CDC42BPB: variants seen among roughly 807,000 people sequenced by gnomAD.
The protein encoded by CDC42BPB is CDC42 binding protein kinase beta.
In CDC42BPB, 37 loss-of-function variants were observed where a neutral mutation model predicts 214.9. The observed-to-expected ratio is 0.17, with a 90% CI of 0.13 to 0.23. CDC42BPB has a LOEUF of 0.23. Ranked by LOEUF, CDC42BPB falls within the 10% of genes least tolerant of loss-of-function variation. The probability of loss-of-function intolerance (pLI) is 1.00; values close to 1 mark genes in which losing one functional copy is unlikely to be tolerated. For missense variants in CDC42BPB, 1,694 were observed against 2,227.0 expected (o/e 0.76, Z 4.82); for synonymous variants, 931 against 884.0 (o/e 1.05, Z -0.94).
intron 5 of CDC42BPB, among the ~76,000 whole-genome samples, chr14:102,991,276 C>T (rs1379200831): frequency 1.3e-5 from 2 of 152,208 alleles, no homozygotes; most frequent in Non-Finnish European, 2.9e-5. Context: ...AGGAACACAT[C>T]ATCTCAATCT....
intron 16 of CDC42BPB, 55 bp from the exon 17 acceptor site, chr14:102,967,225 G>A: frequency 1.3e-6 from 2 of 1,567,590 alleles, no homozygotes; most frequent in South Asian, 2.3e-5. Context: ...CTTTAAGTAT[G>A]CTGGATTTAA....
intron 12 of CDC42BPB, among the ~76,000 whole-genome samples, chr14:102,973,345 T>A (rs1416578221): frequency 2.0e-5 from 3 of 152,244 alleles, no homozygotes; most frequent in African/African-American, 7.2e-5. Context: ...GGTTCAAGAA[T>A]AACATGTATC....
chr14:103,053,709 CCG>C (rs1888776585), intron 1 of CDC42BPB, among the ~76,000 whole-genome samples: 1 of 150,956 alleles, frequency 6.6e-6, no homozygotes, highest in Non-Finnish European at 1.5e-5. Context: ...TTGCAGTGAG[CCG>C]AGATCCCGCC....
intron 17 of CDC42BPB, among the ~76,000 whole-genome samples, chr14:102,966,715 G>A (rs566655316): frequency 5.3e-5 from 8 of 152,238 alleles, no homozygotes; most frequent in South Asian, 2.1e-4. Context: ...CCTTAGGAGC[G>A]GAGGGCCAGG....
At chr14:103,040,660 G>A (rs1483325606) in intron 1 of CDC42BPB, among the ~76,000 whole-genome samples, 1 of 152,026 alleles carries the variant, frequency 6.6e-6, no homozygotes, top group Non-Finnish European at 1.5e-5. Flanking sequence ...GTTTCACCAT[G>A]TTGGCCAGGC....
chr14:102,954,226 G>A lies in CDC42BPB; in HGVS notation c.3038C>T (p.Thr1013Met), dbSNP rs1218811841. 21 of 1,547,944 alleles carry A rather than the reference G, an allele frequency of 1.4e-5. No individual in the cohort carries two copies. The highest frequency in any genetic ancestry group is 8.0e-5 in the Admixed American group (4 of 50,110). ...QRPSAVPLPT[T>M]QALALAGPKP... ...CGGTCCAGCCAGAGCCAGGGCCTGC[G>A]TGGTGGGCAACGGCACAGCGGATGG... Residue 1013 changes from threonine (T) to methionine (M), a missense_variant, in exon 23 of 37, where the codon ACG (threonine) becomes ATG (methionine). Physicochemically the swap from Thr to Met is moderately conservative, Grantham distance 81 (BLOSUM62 -1). This residue lies in a region of CDC42BPB where 156 missense variants were observed against 154.5 expected (regional missense o/e 1.01). Transcript: ENST00000361246.
intron 25 of CDC42BPB, 23 bp from the exon 26 acceptor site, chr14:102,949,927 G>A (rs553030604): frequency 6.2e-7 from 1 of 1,611,394 alleles, no homozygotes; most frequent in African/African-American, 1.3e-5. Context: ...ACAAACAGTG[G>A]CCACGTTCCA....
intron 3 of CDC42BPB, 134 bp downstream of exon 3, chr14:103,008,338 G>C: frequency 1.6e-6 from 1 of 631,212 alleles, no homozygotes; most frequent in African/African-American, 1.8e-5. Flanking sequence ...CCTCAAAAGA[G>C]AGTGCTCGCT....
At chr14:103,018,265 T>C (rs763369672) in intron 1 of CDC42BPB, among the ~76,000 whole-genome samples, 14 of 152,050 alleles carry the variant, frequency 9.2e-5, no homozygotes, top group South Asian at 2.1e-4. Context: ...GGCCTGGGGG[T>C]TGGGGATCCC....
rs1308180664 is a variant in CDC42BPB at position 103,057,214 on chromosome 14, G to T, written c.-41C>A. 2 of 1,298,452 alleles carry T rather than the reference G, an allele frequency of 1.5e-6. No homozygotes were observed. Among genetic ancestry groups the T allele is most frequent in the African/African-American group, 3.1e-5 (2 of 64,894 alleles). The allele number at this position is 1,298,452 out of a possible 1,614,324, so 80.4% of individuals were successfully genotyped here. On this transcript the variant is annotated 5_prime_UTR_variant, in exon 1 of 37. Transcript: ENST00000361246. ...GCTCCCGACGCGCCGGCCTCTCACCGCCGGCTCGGCCAGTCCGTCAGGGCG... is the reference window on the plus strand; with the variant it reads ...GCTCCCGACGCGCCGGCCTCTCACCTCCGGCTCGGCCAGTCCGTCAGGGCG...
chr14:103,037,363 G>C (rs1189837468), intron 1 of CDC42BPB, among the ~76,000 whole-genome samples: 3 of 151,994 alleles, frequency 2.0e-5, no homozygotes, highest in Non-Finnish European at 4.4e-5. Context: ...CACAATCATA[G>C]CTGACTGCAG....
chr14:102,942,790 T>G (rs1309479865), intron 30 of CDC42BPB, among the ~76,000 whole-genome samples: 1 of 150,050 alleles, frequency 6.7e-6, no homozygotes, highest in Non-Finnish European at 1.5e-5. Context: ...CTACAACCTC[T>G]GCGTCCCGGG....
At chr14:102,973,864 C>T (rs1220968753) in intron 12 of CDC42BPB, 152 bp downstream of exon 12, 29 of 1,013,034 alleles carry the variant, frequency 2.9e-5, no homozygotes, top group Non-Finnish European at 2.6e-5. Context: ...GGCAGGGGCC[C>T]CGGGGCCAGG....
intron 1 of CDC42BPB, among the ~76,000 whole-genome samples, chr14:103,040,697 A>T (rs1887940833): frequency 6.6e-6 from 1 of 152,146 alleles, no homozygotes; most frequent in African/African-American, 2.4e-5. Flanking sequence ...ACCTCAGGTG[A>T]TCCGCCCACC....
rs78685083 is a variant in CDC42BPB at position 102,993,817 on chromosome 14, A to G, written c.596+5748T>C. Among the ~76,000 whole-genome samples the G allele has an allele frequency of 6.1e-3, 924 of 152,326 alleles. 13 individuals are homozygous for G. The highest frequency in any genetic ancestry group is 0.021 in the African/African-American group (872 of 41,570). ...TCAAGGAGGTTGTGTAACAAGCTCT[A>G]TACCTGGCTGCCGGGAAGAAATGGA... On this transcript the variant is annotated intron_variant, in intron 5 of 36. Transcript: ENST00000361246.
chr14:102,989,409 C>A (rs1241181301), intron 5 of CDC42BPB, among the ~76,000 whole-genome samples: 1 of 152,188 alleles, frequency 6.6e-6, no homozygotes, highest in Non-Finnish European at 1.5e-5. Context: ...TAGAGATTTA[C>A]CCTGAAGGCA....
In CDC42BPB at chr14:102,999,729, A is replaced by C; in HGVS notation, c.448-16T>G. 1.2e-6 allele frequency: 2 copies of C among 1,614,038 alleles called. No individual in the cohort carries two copies. Among genetic ancestry groups the C allele is most frequent in the Non-Finnish European group, 1.7e-6 (2 of 1,179,906 alleles). On this transcript the variant is annotated splice_polypyrimidine_tract_variant and intron_variant, in intron 4 of 36. Transcript: ENST00000361246. Reference sequence around the variant, plus strand: ...TGACTAAGTACTACAAATTGGAAAGAGAAGGGGAGAGAATACCACATTTAG... The same window carrying C: ...TGACTAAGTACTACAAATTGGAAAGCGAAGGGGAGAGAATACCACATTTAG...
At chr14:103,023,490 A>G (rs1886881684) in intron 1 of CDC42BPB, among the ~76,000 whole-genome samples, 1 of 151,930 alleles carries the variant, frequency 6.6e-6, no homozygotes, top group Non-Finnish European at 1.5e-5. Context: ...TATTTTTTGT[A>G]GACACGGGGT....
chr14:103,045,775 G>A (rs147469091), intron 1 of CDC42BPB, among the ~76,000 whole-genome samples: 11 of 152,240 alleles, frequency 7.2e-5, no homozygotes, highest in African/African-American at 2.6e-4. Flanking sequence ...GAGCTGGGGC[G>A]TCTCGCACAC....
Sources: gnomAD v4.1 joint callset for allele counts (sites outside exome capture counted in the v4.1 genomes callset) on GRCh38, gnomAD v4.1.1 for gene constraint, gnomAD v4.1.1 regional missense constraint, MANE v1.5 for transcripts, NCBI Gene and HGNC (gene_info 2026-07-23, HGNC 2026-07-21) for gene names.